Variants in TIAM1 observed in about 807,000 individuals in gnomAD.
TIAM1 encodes rho guanine nucleotide exchange factor TIAM1.
A neutral mutation model predicts 163.5 loss-of-function variants in TIAM1; 65 were observed. The observed-to-expected ratio is 0.40, with a 90% CI of 0.33 to 0.49. TIAM1 has a LOEUF of 0.49. Among genes scored for constraint, TIAM1 ranks in the 20% least tolerant of loss-of-function variants. The pLI is 0.77. For synonymous variants in TIAM1, 833 were observed against 810.1 expected (o/e 1.03, Z -0.48); for missense variants, 1,789 against 2,044.7 (o/e 0.87, Z 2.41).
chr21:31,287,620 G>C (rs2073859969), intron 2 of TIAM1, among the ~76,000 whole-genome samples: 1 of 152,180 alleles, frequency 6.6e-6, no homozygotes, highest in Non-Finnish European at 1.5e-5. Flanking sequence ...TACACAAAGA[G>C]AAGGACAGAA....
intron 2 of TIAM1, among the ~76,000 whole-genome samples, chr21:31,279,538 C>A (rs564908745): frequency 1.3e-5 from 2 of 152,170 alleles, no homozygotes; most frequent in African/African-American, 2.4e-5. Context: ...TGCACGCATC[C>A]GGTCATATCT....
At chr21:31,376,346 C>T (rs770213629) in intron 2 of TIAM1, among the ~76,000 whole-genome samples, 5 of 152,142 alleles carry the variant, frequency 3.3e-5, no homozygotes, top group Admixed American at 2.0e-4. Context: ...GGTGCTATCT[C>T]AGGCTCCTGG....
chr21:31,488,914 T>C (rs573962086), intron 1 of TIAM1, among the ~76,000 whole-genome samples: 3 of 152,094 alleles, frequency 2.0e-5, no homozygotes, highest in South Asian at 4.2e-4. Flanking sequence ...ACAGCAGCTA[T>C]TCATAAGTGG....
rs192147546 is a variant in TIAM1 at position 31,500,232 on chromosome 21, A to G, written c.-421-36197T>C. The stretch of plus-strand genomic sequence containing the variant: ...CAAAGGAGGACAAGTACACCCTTGG[A>G]AAGGCCAGCTTGCTGTCAGAAAGCT... On this transcript the variant is annotated intron_variant, in intron 1 of 28. Transcript: ENST00000286827. Among the ~76,000 whole-genome samples, 498 of 152,322 alleles carry G rather than the reference A, an allele frequency of 3.3e-3. 3 individuals carry two copies. Among genetic ancestry groups the G allele is most frequent in the African/African-American group, 0.012 (479 of 41,576 alleles).
At chr21:31,136,114 T>C in intron 22 of TIAM1, 73 bp from the exon 23 acceptor site, 3 of 1,308,468 alleles carry the variant, frequency 2.3e-6, no homozygotes, top group Non-Finnish European at 3.3e-6. Context: ...TGTTTGAAAA[T>C]TCAGCATGCT....
chr21:31,328,018 C>A (rs945646320), intron 2 of TIAM1, among the ~76,000 whole-genome samples: 1 of 152,118 alleles, frequency 6.6e-6, no homozygotes, highest in Non-Finnish European at 1.5e-5. Flanking sequence ...GCTCTTTCCA[C>A]CCAAACTTCC....
intron 2 of TIAM1, among the ~76,000 whole-genome samples, chr21:31,403,343 T>G (rs2077196701): frequency 6.6e-6 from 1 of 152,080 alleles, no homozygotes; most frequent in Non-Finnish European, 1.5e-5. Context: ...GAGACGGGGT[T>G]TCACCATGTT....
chr21:31,549,473 TAA>T (rs71812004), intron 1 of TIAM1, among the ~76,000 whole-genome samples: 3 of 151,778 alleles, frequency 2.0e-5, no homozygotes, highest in South Asian at 2.1e-4. Flanking sequence ...AACTTATTAA[TAA>T]AAAAAAATTA....
intron 1 of TIAM1, among the ~76,000 whole-genome samples, chr21:31,520,909 G>A (rs1362512220): frequency 6.6e-6 from 1 of 152,224 alleles, no homozygotes; most frequent in Non-Finnish European, 1.5e-5. Context: ...TTTCCGTAAG[G>A]TGAAAGAACA....
intron 1 of TIAM1, among the ~76,000 whole-genome samples, chr21:31,545,139 G>C (rs897415503): frequency 6.6e-6 from 1 of 152,206 alleles, no homozygotes; most frequent in African/African-American, 2.4e-5. Context: ...GGGCCCTACA[G>C]CCAATAGCTG....
At chr21:31,232,348 C>T (rs531274908) in intron 6 of TIAM1, among the ~76,000 whole-genome samples, 6 of 152,234 alleles carry the variant, frequency 3.9e-5, no homozygotes, top group Admixed American at 2.0e-4. Flanking sequence ...CTCCCACTGT[C>T]TTGTCTAAAT....
chr21:31,131,553 A>G (rs2082412527), intron 23 of TIAM1, among the ~76,000 whole-genome samples: 1 of 152,146 alleles, frequency 6.6e-6, no homozygotes, highest in South Asian at 2.1e-4. Context: ...GATACAATGG[A>G]GTTATGCATA....
At chr21:31,558,002 C>G in intron 1 of TIAM1, among the ~76,000 whole-genome samples, 1 of 152,164 alleles carries the variant, frequency 6.6e-6, no homozygotes, top group Non-Finnish European at 1.5e-5. Context: ...CATCCCGCCC[C>G]GCGGCCGGGG....
intron 2 of TIAM1, among the ~76,000 whole-genome samples, chr21:31,334,417 G>A (rs1029095916): frequency 1.3e-5 from 2 of 151,898 alleles, no homozygotes; most frequent in African/African-American, 4.8e-5. Context: ...CTCCGGAATC[G>A]ATGGGATTTT....
At chr21:31,427,724 C>A (rs2043846850) in intron 2 of TIAM1, among the ~76,000 whole-genome samples, 1 of 151,958 alleles carries the variant, frequency 6.6e-6, no homozygotes, top group Non-Finnish European at 1.5e-5. Context: ...GTCCCAGCTA[C>A]TCAGGAGGCT....
intron 2 of TIAM1, among the ~76,000 whole-genome samples, chr21:31,424,160 C>T (rs1004650618): frequency 6.6e-6 from 1 of 152,260 alleles, no homozygotes; most frequent in Admixed American, 6.5e-5. Context: ...GGTCTTCTTT[C>T]TTTTTCATTT....
chr21:31,363,368 T>C (rs1304993348), intron 2 of TIAM1, among the ~76,000 whole-genome samples: 1 of 152,104 alleles, frequency 6.6e-6, no homozygotes, highest in African/African-American at 2.4e-5. Flanking sequence ...TCAACTTAGG[T>C]TTCTGATCCT....
intron 6 of TIAM1, among the ~76,000 whole-genome samples, chr21:31,231,258 G>C (rs2088409045): frequency 6.6e-6 from 1 of 152,174 alleles, no homozygotes; most frequent in Non-Finnish European, 1.5e-5. Flanking sequence ...TGAGATTTAA[G>C]TGCTCCTTTC....
In TIAM1 at chr21:31,125,818, G is replaced by A. The variant is rs59816690; in HGVS notation, c.4134-1124C>T. On this transcript the variant is annotated intron_variant, in intron 26 of 27. Transcript: ENST00000541036. ...TCGAACTCCTGACCTCAAGTGATCC[G>A]CCTGCCTTGGCCTCCCAAAGTGCTG... is the stretch of plus-strand genomic sequence containing the variant. Among the ~76,000 whole-genome samples the A allele has an allele frequency of 6.1e-3, 932 of 152,258 alleles. 8 individuals carry two copies. The highest frequency in any genetic ancestry group is 0.022 in the African/African-American group (898 of 41,552).
Sources: gnomAD v4.1 joint callset for allele counts (sites outside exome capture counted in the v4.1 genomes callset) on GRCh38, gnomAD v4.1.1 for gene constraint, MANE v1.5 for transcripts, NCBI Gene and HGNC (gene_info 2026-07-23, HGNC 2026-07-21) for gene names.